ITGA11: variants seen among roughly 807,000 people sequenced by gnomAD.
The protein encoded by ITGA11 is integrin alpha-11.
In ITGA11, 97 loss-of-function variants were observed where a neutral mutation model predicts 141.9. The observed-to-expected ratio is 0.68, with a 90% CI of 0.58 to 0.81. ITGA11 has a LOEUF of 0.81. Ranked by LOEUF, ITGA11 falls within the 30% of genes least tolerant of loss-of-function variation. ITGA11 has a pLI of 0.00. For missense variants in ITGA11, 1,387 were observed against 1,559.2 expected (o/e 0.89, Z 1.86); for synonymous variants, 658 against 624.6 (o/e 1.05, Z -0.80).
chr15:68,351,121 G>T, intron 8 of ITGA11, 137 bp downstream of exon 8: 1 of 909,610 alleles, frequency 1.1e-6, no homozygotes, highest in South Asian at 1.8e-5. Context: ...TTGTTGTTCA[G>T]AAGATGAAAT....
At chr15:68,319,349 G>A (rs1374876375) in intron 20 of ITGA11, among the ~76,000 whole-genome samples, 1 of 152,234 alleles carries the variant, frequency 6.6e-6, no homozygotes, top group Non-Finnish European at 1.5e-5. Context: ...CATGCCAAGT[G>A]CTAGCACAGC....
intron 2 of ITGA11, among the ~76,000 whole-genome samples, chr15:68,401,208 A>T (rs1455306350): frequency 6.6e-6 from 1 of 151,844 alleles, no homozygotes; most frequent in Non-Finnish European, 1.5e-5. Flanking sequence ...TGATAATGTC[A>T]TGAATTAGTG....
intron 19 of ITGA11, among the ~76,000 whole-genome samples, 164 bp from the exon 20 acceptor site, chr15:68,320,556 AAG>A (rs1441633334): frequency 6.6e-6 from 1 of 152,168 alleles, no homozygotes; most frequent in Non-Finnish European, 1.5e-5. Context: ...CAGGGCTGGA[AAG>A]AGCTCACCCT....
chr15:68,335,881 G>T lies in ITGA11; in HGVS notation c.1277-36C>A, dbSNP rs777598264. On this transcript the variant is annotated intron_variant, in intron 11 of 29. Coordinates refer to ENST00000315757, the MANE Select transcript of ITGA11 (RefSeq NM_001004439.2). The surrounding 1 kb of genome is among the most constrained non-coding windows in gnomAD (Gnocchi z 4.9). ...AGGAAACAGGCTGATCTTTGGCACC[G>T]TGTCCTCAGCAGGCGTTGCTTGGCC... 1 of 1,598,892 alleles carries T rather than the reference G, an allele frequency of 6.3e-7. No individual in the cohort carries two copies. Among genetic ancestry groups the T allele is most frequent in the South Asian group, 1.1e-5 (1 of 88,602 alleles).
intron 9 of ITGA11, 78 bp from the exon 10 acceptor site, chr15:68,348,978 G>C (rs1894825229): frequency 7.0e-6 from 9 of 1,282,200 alleles, no homozygotes; most frequent in African/African-American, 1.5e-5. Flanking sequence ...CCAACCCACA[G>C]CTCCTGCTTC....
At chr15:68,405,035 C>T (rs72745268) in intron 1 of ITGA11, among the ~76,000 whole-genome samples, 19,861 of 152,202 alleles carry the variant, frequency 0.13, 1,693 homozygotes, top group Non-Finnish European at 0.19. Context: ...GACCCGCACA[C>T]GAGTGCGCCA....
At position 68,336,766 on chromosome 15, in the gene ITGA11, C is replaced by T. The variant is rs993091744; in HGVS notation, c.1277-921G>A. ...GGGAACAGATGTCCCCTGCAATGCA[C>T]GTGTGTGAGTGTGTGTGTGCACATA... is the stretch of plus-strand genomic sequence containing the variant. On this transcript the variant is annotated intron_variant, in intron 11 of 29. Coordinates refer to ENST00000315757, the MANE Select transcript of ITGA11 (RefSeq NM_001004439.2). Among the ~76,000 whole-genome samples, 9 of 152,290 alleles carry T rather than the reference C, an allele frequency of 5.9e-5. No homozygotes were observed. In the South Asian group the frequency reaches 8.3e-4, roughly 14 times the overall value.
chr15:68,365,431 C>A, intron 3 of ITGA11: 1 of 658,612 alleles, frequency 1.5e-6, no homozygotes, highest in Non-Finnish European at 1.9e-6. Flanking sequence ...GGGAGAGGGT[C>A]AGCTCTGCGG....
chr15:68,370,563 G>A (rs559030645), intron 2 of ITGA11, among the ~76,000 whole-genome samples: 2 of 152,324 alleles, frequency 1.3e-5, no homozygotes, highest in Admixed American at 1.3e-4. Flanking sequence ...GGCCCTCTAG[G>A]CCTTGGGTGC....
Position 68,298,603 on chromosome 15 carries a change from G to A in ITGA11, c.*4456C>T, listed in dbSNP as rs1329620124. On this transcript the variant is annotated 3_prime_UTR_variant, in exon 30 of 30. Transcript: ENST00000315757. ...ATTGTGCCGCTGCACTCTAGCCTGG[G>A]TGACAGAGCAAGACCCTGTCTCAAA... The A allele has an allele frequency of 2.6e-5, 4 of 152,122 alleles. No individual in the cohort carries two copies. The highest frequency in any genetic ancestry group is 9.7e-5 in the African/African-American group (4 of 41,384). The allele number at this position is 152,122 out of a possible 1,614,324, so 9.4% of individuals were successfully genotyped here.
At position 68,303,795 on chromosome 15, in the gene ITGA11, G is replaced by A. The variant is rs1366051005; in HGVS notation, c.3472C>T (p.Leu1158=). The change falls in exon 29 of 30, where the codon CTG becomes TTG. Residue 1158 remains leucine, a synonymous_variant. Transcript: ENST00000315757. The surrounding 1 kb of genome is among the most constrained non-coding windows in gnomAD (Gnocchi z 5.3). ...ACCTTCCACAGTGCCAGGACCAGCA[G>A]GGCCAGCAGTAGGAGGCCCCCCAGG... is the stretch of plus-strand genomic sequence containing the variant. ...STLGGLLLLA[L]LVLALWKLGF... 1.2e-6 allele frequency: 2 copies of A among 1,612,190 alleles called. No individual in the cohort carries two copies. Among genetic ancestry groups the A allele is most frequent in the Non-Finnish European group, 1.7e-6 (2 of 1,178,798 alleles).
intron 2 of ITGA11, among the ~76,000 whole-genome samples, chr15:68,402,239 G>C (rs1209870669): frequency 6.6e-6 from 1 of 152,042 alleles, no homozygotes; most frequent in Non-Finnish European, 1.5e-5. Flanking sequence ...AACCAAGTGG[G>C]GAGGAGGATG....
At position 68,323,870 on chromosome 15, in the gene ITGA11, T is replaced by C. The variant is rs191854706; in HGVS notation, c.2322+1261A>G. On this transcript the variant is annotated intron_variant, in intron 18 of 29. Coordinates refer to ENST00000315757, the MANE Select transcript of ITGA11 (RefSeq NM_001004439.2). Reference sequence around the variant, plus strand: ...CTTGATTGTACGTCCTCCAAGTGCATACTGCCTCCCACCTGACCTGTGCTG... The same window carrying C: ...CTTGATTGTACGTCCTCCAAGTGCACACTGCCTCCCACCTGACCTGTGCTG... Among the ~76,000 whole-genome samples, 9 of 152,312 alleles carry C rather than the reference T, an allele frequency of 5.9e-5. No homozygotes were observed. In the East Asian group the frequency reaches 7.7e-4, roughly 13 times the overall value.
intron 1 of ITGA11, among the ~76,000 whole-genome samples, chr15:68,406,411 T>C (rs1231029683): frequency 1.3e-5 from 2 of 152,134 alleles, no homozygotes; most frequent in African/African-American, 4.8e-5. Flanking sequence ...TTCAGACTCG[T>C]TCTCTGCTCA....
At chr15:68,396,320 T>C (rs1896240491) in intron 2 of ITGA11, among the ~76,000 whole-genome samples, 1 of 152,208 alleles carries the variant, frequency 6.6e-6, no homozygotes, top group African/African-American at 2.4e-5. Flanking sequence ...GAGAACCTTA[T>C]GTCAGGTGTT....
Position 68,325,534 on chromosome 15 carries a change from G to A in ITGA11, c.2212-293C>T. Among the ~76,000 whole-genome samples the A allele has an allele frequency of 6.6e-6, 1 of 152,200 alleles. No homozygotes were observed. The highest frequency in any genetic ancestry group is 6.5e-5 in the Admixed American group (1 of 15,278). On this transcript the variant is annotated intron_variant, in intron 17 of 29. Coordinates refer to ENST00000315757, the MANE Select transcript of ITGA11 (RefSeq NM_001004439.2). The surrounding 1 kb of genome is among the most constrained non-coding windows in gnomAD (Gnocchi z 5.5). ...AGACTCCCATTGCCCGGGTACCTCG[G>A]CCTCTGGGAAGCCTGGCAGTGCCCG...
At chr15:68,384,237 C>T (rs1895929058) in intron 2 of ITGA11, among the ~76,000 whole-genome samples, 1 of 141,262 alleles carries the variant, frequency 7.1e-6, no homozygotes, top group Admixed American at 7.4e-5. Context: ...TCTTCAATTT[C>T]TGGGACTTTC....
intron 2 of ITGA11, among the ~76,000 whole-genome samples, chr15:68,376,678 A>G (rs28401309): frequency 9.8e-5 from 15 of 152,358 alleles, no homozygotes; most frequent in African/African-American, 2.4e-4. Context: ...CTGGATGAAT[A>G]GAGCAAGCTC....
intron 10 of ITGA11, among the ~76,000 whole-genome samples, chr15:68,341,406 G>A (rs1428937555): frequency 1.3e-5 from 2 of 152,232 alleles, no homozygotes; most frequent in South Asian, 4.1e-4. Flanking sequence ...CAGAGGCCCT[G>A]TGAAATCAGA....
Sources: allele counts gnomAD v4.1 joint callset (sites outside exome capture counted in the v4.1 genomes callset), GRCh38; gene constraint gnomAD v4.1.1; non-coding constraint Gnocchi (gnomAD v3.1); transcripts MANE v1.5; gene names NCBI Gene and HGNC (gene_info 2026-07-23, HGNC 2026-07-21).